Variants in B3GALT1 observed in about 807,000 individuals in gnomAD.
The protein encoded by B3GALT1 is beta-1,3-galactosyltransferase 1, also known as UDP-Gal:betaGlcNAc beta 1,3-galactosyltransferase, polypeptide 1.
A neutral mutation model predicts 23.2 loss-of-function variants in B3GALT1; 10 were observed. The observed-to-expected ratio is 0.43, with a 90% CI of 0.27 to 0.73. B3GALT1 has a LOEUF of 0.73. B3GALT1 is among the 30% of genes least tolerant of loss of function. The probability of loss-of-function intolerance (pLI) is 0.21; values close to 1 mark genes in which losing one functional copy is unlikely to be tolerated. For missense variants in B3GALT1, 299 were observed against 405.4 expected (o/e 0.74, Z 2.25); for synonymous variants, 156 against 141.5 (o/e 1.10, Z -0.73).
intron 3 of B3GALT1, among the ~76,000 whole-genome samples, chr2:167,681,120 T>A (rs1403837354): frequency 6.6e-6 from 1 of 152,060 alleles, no homozygotes. Flanking sequence ...GGAATAGAAA[T>A]GAGGAGAGGA....
intron 1 of B3GALT1, among the ~76,000 whole-genome samples, chr2:167,483,305 A>G (rs995002238): frequency 2.6e-5 from 4 of 152,130 alleles, no homozygotes; most frequent in Admixed American, 2.0e-4. Context: ...AAACAACAAC[A>G]ACAAAAACAA....
intron 3 of B3GALT1, among the ~76,000 whole-genome samples, chr2:167,790,995 C>G (rs1688429786): frequency 6.6e-6 from 1 of 152,082 alleles, no homozygotes; most frequent in African/African-American, 2.4e-5. Context: ...CGGCAAAATT[C>G]AAGGCTCTAC....
At chr2:167,465,653 A>G (rs1024084416) in intron 1 of B3GALT1, among the ~76,000 whole-genome samples, 4 of 152,200 alleles carry the variant, frequency 2.6e-5, no homozygotes, top group Non-Finnish European at 5.9e-5. Flanking sequence ...ATAGGTGTCA[A>G]CATATGAATT....
intron 3 of B3GALT1, among the ~76,000 whole-genome samples, chr2:167,775,699 C>G (rs549797888): frequency 6.6e-6 from 1 of 151,704 alleles, no homozygotes; most frequent in East Asian, 1.9e-4. Context: ...CACACACACA[C>G]AAACTTAAAC....
In B3GALT1 at chr2:167,370,957, TATTG is replaced by T. The variant is rs1478040646; in HGVS notation, c.-511+77626_-511+77629del. Reference sequence around the variant, plus strand: ...AAGCAAACAAACAAACAAAAAACCTTATTGATCAATTGCATGAAACAATAAAATT... The same window carrying T: ...AAGCAAACAAACAAACAAAAAACCTTATCAATTGCATGAAACAATAAAATT... On this transcript the variant is annotated intron_variant, in intron 1 of 4. Coordinates refer to ENST00000392690, the MANE Select transcript of B3GALT1 (RefSeq NM_020981.4). 2.6e-5 allele frequency among the ~76,000 whole-genome samples: 4 copies of T among 152,208 alleles called. No homozygotes were observed. The East Asian group carries it at 7.7e-4, about 29-fold the overall frequency.
intron 2 of B3GALT1, among the ~76,000 whole-genome samples, chr2:167,626,915 A>T (rs1685356628): frequency 6.6e-6 from 1 of 151,646 alleles, no homozygotes; most frequent in Non-Finnish European, 1.5e-5. Context: ...CTTGATCCTA[A>T]AACTCTTTAC....
intron 2 of B3GALT1, among the ~76,000 whole-genome samples, chr2:167,499,063 A>G (rs775853839): frequency 7.9e-5 from 12 of 152,038 alleles, no homozygotes; most frequent in Non-Finnish European, 1.3e-4. Flanking sequence ...TTTTGCTTCC[A>G]TTTTATATTA....
At chr2:167,338,452 T>C (rs574309016) in intron 1 of B3GALT1, among the ~76,000 whole-genome samples, 5 of 141,658 alleles carry the variant, frequency 3.5e-5, no homozygotes, top group African/African-American at 1.0e-4. Flanking sequence ...AACAGATACA[T>C]GGTCAGAGAA....
At chr2:167,672,770 A>T (rs1686354165) in intron 3 of B3GALT1, among the ~76,000 whole-genome samples, 1 of 152,158 alleles carries the variant, frequency 6.6e-6, no homozygotes, top group Admixed American at 6.5e-5. Context: ...ACATAAATTA[A>T]TTTTATAAAC....
At chr2:167,366,118 AATTT>A (rs1208679071) in intron 1 of B3GALT1, among the ~76,000 whole-genome samples, 3 of 152,226 alleles carry the variant, frequency 2.0e-5, no homozygotes, top group African/African-American at 2.4e-5. Context: ...AAATACTTGT[AATTT>A]ATTCTCTGAA....
intron 1 of B3GALT1, among the ~76,000 whole-genome samples, chr2:167,488,743 A>T (rs1192807627): frequency 6.6e-6 from 1 of 152,166 alleles, no homozygotes; most frequent in Non-Finnish European, 1.5e-5. Context: ...CTCTTGCTAC[A>T]TTTCTGTCAA....
chr2:167,778,114 A>G (rs187553840), intron 3 of B3GALT1, among the ~76,000 whole-genome samples: 8 of 152,342 alleles, frequency 5.3e-5, no homozygotes, highest in Admixed American at 2.0e-4. Flanking sequence ...TTCAGTCCAT[A>G]TGGAGTTAAC....
Position 167,538,544 on chromosome 2 carries a change from C to G in B3GALT1, c.-410+48267C>G, listed in dbSNP as rs574981702. ...ACCTTTTTGCTTCTGTATAATATAC[C>G]TGACCTCTGTAGACTTTAAAACATT... On this transcript the variant is annotated intron_variant, in intron 2 of 4. Transcript: ENST00000392690. Among the ~76,000 whole-genome samples, 8 of 152,136 alleles carry G rather than the reference C, an allele frequency of 5.3e-5. No individual in the cohort carries two copies. In the South Asian group the frequency reaches 1.0e-3, roughly 20 times the overall value.
At chr2:167,764,921 C>A (rs1390387831) in intron 3 of B3GALT1, among the ~76,000 whole-genome samples, 1 of 152,016 alleles carries the variant, frequency 6.6e-6, no homozygotes, top group African/African-American at 2.4e-5. Context: ...AAAGGAGGTT[C>A]GGGATAGGGT....
intron 4 of B3GALT1, among the ~76,000 whole-genome samples, chr2:167,864,756 T>G (rs1181691819): frequency 6.6e-6 from 1 of 152,152 alleles, no homozygotes; most frequent in Non-Finnish European, 1.5e-5. Flanking sequence ...TTTCTGAGTT[T>G]CCATTCTCTC....
At chr2:167,326,535 A>G (rs563305752) in intron 1 of B3GALT1, among the ~76,000 whole-genome samples, 82 of 151,696 alleles carry the variant, frequency 5.4e-4, no homozygotes, top group Middle Eastern at 3.4e-3. Context: ...AGGTTTTTCT[A>G]TGGTTTTGTC....
intron 1 of B3GALT1, among the ~76,000 whole-genome samples, chr2:167,336,039 A>G (rs1559068795): frequency 6.6e-6 from 1 of 151,912 alleles, no homozygotes. Flanking sequence ...TGCATGCATT[A>G]TTGCTTTTTC....
At chr2:167,572,610 G>A (rs1684314448) in intron 2 of B3GALT1, among the ~76,000 whole-genome samples, 2 of 151,772 alleles carry the variant, frequency 1.3e-5, no homozygotes. Context: ...CTGTGTGTCT[G>A]CTTGCATATC....
chr2:167,431,886 C>T (rs950605205), intron 1 of B3GALT1, among the ~76,000 whole-genome samples: 1 of 152,104 alleles, frequency 6.6e-6, no homozygotes, highest in Middle Eastern at 3.2e-3. Context: ...AGGAGAAAAT[C>T]CACAACACAA....
Sources: gnomAD v4.1 joint callset for allele counts (sites outside exome capture counted in the v4.1 genomes callset) on GRCh38, gnomAD v4.1.1 for gene constraint, MANE v1.5 for transcripts, NCBI Gene and HGNC (gene_info 2026-07-23, HGNC 2026-07-21) for gene names.